IGF2BP3: variants seen among roughly 807,000 people sequenced by gnomAD.
IGF2BP3 encodes insulin like growth factor 2 mRNA binding protein 3, also known as insulin-like growth factor 2 mRNA-binding protein 3.
A neutral mutation model predicts 73.8 loss-of-function variants in IGF2BP3; 9 were observed. The ratio of observed to expected loss-of-function variants is 0.12; its 90% CI spans 0.07 to 0.21. The LOEUF is 0.21. IGF2BP3 is among the 10% of genes least tolerant of loss of function. The probability of loss-of-function intolerance (pLI) is 1.00; values close to 1 mark genes in which losing one functional copy is unlikely to be tolerated. For synonymous variants in IGF2BP3, 258 were observed against 256.7 expected (o/e 1.01, Z -0.05); for missense variants, 542 against 714.0 (o/e 0.76, Z 2.75).
At chr7:23,433,588 C>G (rs1787741032) in intron 2 of IGF2BP3, among the ~76,000 whole-genome samples, 1 of 151,602 alleles carries the variant, frequency 6.6e-6, no homozygotes, top group African/African-American at 2.4e-5. Context: ...TCAAGCAATT[C>G]TCCCACCTCA....
intron 2 of IGF2BP3, among the ~76,000 whole-genome samples, chr7:23,457,583 A>C (rs562126229): frequency 1.3e-5 from 2 of 152,348 alleles, no homozygotes; most frequent in East Asian, 3.9e-4. Context: ...ATGCTGAACA[A>C]TGCATCTGTT....
chr7:23,440,029 C>T (rs185140935), intron 2 of IGF2BP3, among the ~76,000 whole-genome samples: 19 of 152,174 alleles, frequency 1.2e-4, no homozygotes, highest in African/African-American at 4.1e-4. Flanking sequence ...TTTGGGAGGC[C>T]GAGGTGGGCA....
intron 3 of IGF2BP3, among the ~76,000 whole-genome samples, chr7:23,372,433 G>C: frequency 6.6e-6 from 1 of 152,070 alleles, no homozygotes. Flanking sequence ...CACCCAGGTA[G>C]TGTATACTGT....
intron 2 of IGF2BP3, among the ~76,000 whole-genome samples, chr7:23,446,997 G>T (rs1350654359): frequency 6.6e-6 from 1 of 152,006 alleles, no homozygotes; most frequent in African/African-American, 2.4e-5. Context: ...GAGGTCAGGA[G>T]TTCAAGCCCA....
chr7:23,391,726 A>G (rs923372733), intron 3 of IGF2BP3, among the ~76,000 whole-genome samples: 2 of 152,246 alleles, frequency 1.3e-5, no homozygotes, highest in African/African-American at 4.8e-5. Flanking sequence ...AGTCTTTTTA[A>G]AATGATAAAA....
chr7:23,462,994 C>T (rs1055791238), intron 2 of IGF2BP3, among the ~76,000 whole-genome samples: 1 of 152,272 alleles, frequency 6.6e-6, no homozygotes, highest in African/African-American at 2.4e-5. Context: ...ACTAAGAATA[C>T]CAATCCTACC....
chr7:23,381,597 CTCACTGTG>C (rs1208523890), intron 3 of IGF2BP3, among the ~76,000 whole-genome samples: 19 of 151,908 alleles, frequency 1.3e-4, no homozygotes, highest in African/African-American at 4.1e-4. Flanking sequence ...TAGATGGAGT[CTCACTGTG>C]TCACCCAGGC....
chr7:23,340,159 C>T (rs1250420488), intron 10 of IGF2BP3, among the ~76,000 whole-genome samples: 1 of 152,100 alleles, frequency 6.6e-6, no homozygotes, highest in East Asian at 1.9e-4. Flanking sequence ...TTCTACCAGT[C>T]CCCTTTAGCA....
intron 2 of IGF2BP3, among the ~76,000 whole-genome samples, chr7:23,466,737 T>C (rs536631914): frequency 6.6e-6 from 1 of 152,254 alleles, no homozygotes; most frequent in East Asian, 1.9e-4. Context: ...CCCCTACACC[T>C]GGGGAGAAAT....
At chr7:23,394,411 G>A (rs538149189) in intron 3 of IGF2BP3, among the ~76,000 whole-genome samples, 1 of 152,146 alleles carries the variant, frequency 6.6e-6, no homozygotes, top group Non-Finnish European at 1.5e-5. Flanking sequence ...AGGCTGCAGT[G>A]AGCTATGATC....
At position 23,312,808 on chromosome 7, in the gene IGF2BP3, A is replaced by C. The variant is rs1347096401; in HGVS notation, c.1568T>G (p.Val523Gly). ...CTCATCAGGTGTCTGGTCACGAGGG[A>C]CAACAACTTCTGCACTTGACAAATT... ...LQNLSSAEVV[V>G]PRDQTPDEND... Residue 523 changes from valine to glycine, a missense_variant, in exon 14 of 15, where the codon GTC (valine) becomes GGC (glycine). Val to Gly is a moderately radical substitution (Grantham distance 109). Around this residue, in one of 2 missense-constraint regions of IGF2BP3, gnomAD observed 303 missense variants for 472.1 expected, o/e 0.64. Transcript: ENST00000258729. The C allele has an allele frequency of 6.2e-7, 1 of 1,612,740 alleles. No homozygotes were observed. Among genetic ancestry groups the C allele is most frequent in the East Asian group, 2.2e-5 (1 of 44,876 alleles).
At chr7:23,428,051 C>A (rs1787562175) in intron 2 of IGF2BP3, among the ~76,000 whole-genome samples, 1 of 151,928 alleles carries the variant, frequency 6.6e-6, no homozygotes, top group South Asian at 2.1e-4. Context: ...TGGCACGCAC[C>A]TGTAATCCCA....
intron 10 of IGF2BP3, among the ~76,000 whole-genome samples, chr7:23,333,216 C>T (rs763987054): frequency 1.3e-5 from 2 of 152,208 alleles, no homozygotes; most frequent in Non-Finnish European, 2.9e-5. Flanking sequence ...TAAGCTTCCT[C>T]GCAGCTAATT....
intron 3 of IGF2BP3, among the ~76,000 whole-genome samples, chr7:23,383,825 G>A (rs948336714): frequency 4.1e-4 from 63 of 152,082 alleles, no homozygotes; most frequent in African/African-American, 7.7e-4. Flanking sequence ...AGCCGGGCGC[G>A]GTGGCTCACA....
At chr7:23,411,956 T>C (rs1227823553) in intron 3 of IGF2BP3, among the ~76,000 whole-genome samples, 1 of 151,968 alleles carries the variant, frequency 6.6e-6, no homozygotes, top group Non-Finnish European at 1.5e-5. Flanking sequence ...CATTTACTTA[T>C]TTCTTCACTA....
intron 5 of IGF2BP3, among the ~76,000 whole-genome samples, chr7:23,353,512 G>A (rs1250331764): frequency 5.9e-5 from 9 of 152,190 alleles, no homozygotes; most frequent in Non-Finnish European, 7.3e-5. Context: ...CTCTGGCACC[G>A]TCACCAACCC....
chr7:23,439,396 CAA>C (rs983892422), intron 2 of IGF2BP3, among the ~76,000 whole-genome samples: 1 of 138,236 alleles, frequency 7.2e-6, no homozygotes, highest in Non-Finnish European at 1.6e-5. Flanking sequence ...ACTAAAAATA[CAA>C]AAAAAAAAAA....
At chr7:23,405,106 G>T (rs1197906394) in intron 3 of IGF2BP3, 2 of 152,010 alleles carry the variant, frequency 1.3e-5, no homozygotes, top group South Asian at 4.1e-4. Flanking sequence ...TCAACCAAAG[G>T]TTATCTACAA....
At chr7:23,376,216 G>A (rs1367375806) in intron 3 of IGF2BP3, among the ~76,000 whole-genome samples, 2 of 152,094 alleles carry the variant, frequency 1.3e-5, no homozygotes, top group African/African-American at 4.8e-5. Context: ...AACTCTGCTG[G>A]GAGGAGTGTT....
Sources: gnomAD v4.1 joint callset for allele counts (sites outside exome capture counted in the v4.1 genomes callset) on GRCh38, gnomAD v4.1.1 for gene constraint, gnomAD v4.1.1 regional missense constraint, MANE v1.5 for transcripts, NCBI Gene and HGNC (gene_info 2026-07-23, HGNC 2026-07-21) for gene names.